The following CAMTA1 variants were observed in gnomAD, a reference collection of about 807,000 sequenced individuals.
CAMTA1 encodes calmodulin binding transcription activator 1, also known as calmodulin-binding transcription activator 1.
CAMTA1 carries 27 observed loss-of-function variants against 170.9 expected under a neutral mutation model. The observed-to-expected ratio is 0.16, with a 90% CI of 0.12 to 0.22. The LOEUF (loss-of-function observed/expected upper bound fraction) is 0.22, where lower values mean the gene tolerates loss of function less well. CAMTA1 is among the 10% of genes least tolerant of loss of function. The pLI is 1.00. For missense variants in CAMTA1, 1,619 were observed against 2,217.2 expected, an observed-to-expected ratio of 0.73 and a Z score of 5.42; for synonymous variants, 833 against 891.5, an observed-to-expected ratio of 0.93 and a Z score of 1.17.
At chr1:7,372,241 C>T in intron 5 of CAMTA1, among the ~76,000 whole-genome samples, 1 of 152,218 alleles carries the variant, frequency 6.6e-6, no homozygotes, top group Admixed American at 6.5e-5. Context: ...AGAAGCTGCT[C>T]TCCTTCGTGC....
At chr1:7,385,489 A>T (rs1260704882) in intron 5 of CAMTA1, among the ~76,000 whole-genome samples, 1 of 152,100 alleles carries the variant, frequency 6.6e-6, no homozygotes, top group South Asian at 2.1e-4. Flanking sequence ...TACATTTCCA[A>T]ATGTGCAAGT....
At chr1:7,034,691 T>C (rs1703327035) in intron 3 of CAMTA1, among the ~76,000 whole-genome samples, 1 of 152,186 alleles carries the variant, frequency 6.6e-6, no homozygotes, top group Non-Finnish European at 1.5e-5. Flanking sequence ...TCCTGTGCCA[T>C]GGTTTGGAAA....
At chr1:6,929,432 AGCTCACTGCTAGCTCCGCCTCCTGG>A (rs1359996309) in intron 3 of CAMTA1, among the ~76,000 whole-genome samples, 3 of 151,030 alleles carry the variant, frequency 2.0e-5, no homozygotes, top group Admixed American at 2.0e-4. Flanking sequence ...GCGTGATCTC[AGCTCACTGCTAGCTCCGCCTCCTGG>A]GTTCACGCCA....
At chr1:7,459,871 G>A (rs2093041943) in intron 5 of CAMTA1, among the ~76,000 whole-genome samples, 1 of 152,264 alleles carries the variant, frequency 6.6e-6, no homozygotes, top group Non-Finnish European at 1.5e-5. Context: ...ATACAGAGAG[G>A]AGAAATGGAG....
chr1:6,795,054 T>G (rs1234871993), intron 1 of CAMTA1, among the ~76,000 whole-genome samples: 1 of 152,166 alleles, frequency 6.6e-6, no homozygotes, highest in Admixed American at 6.5e-5. Flanking sequence ...CTAGCTGTAT[T>G]ATGCACTCAT....
rs1357892753 is a variant in CAMTA1 at position 7,769,681 on chromosome 1, T to C, written c.*3190T>C. The C allele has an allele frequency of 6.6e-6, 1 of 152,452 alleles. No individual in the cohort carries two copies. The highest frequency in any genetic ancestry group is 2.4e-5 in the African/African-American group (1 of 41,444). The allele number at this position is 152,452 out of a possible 1,614,324, so 9.4% of individuals were successfully genotyped here. On this transcript the variant is annotated 3_prime_UTR_variant, in exon 23 of 23. Transcript: ENST00000303635. The stretch of plus-strand genomic sequence containing the variant: ...TGCTTTATATTCTTTCTGCTGTAAA[T>C]TAAAAATGAAGAAAATTTCCCCATA...
In CAMTA1 at chr1:7,299,469, C is replaced by T. The variant is rs1674441102; in HGVS notation, c.438+49843C>T. Among the ~76,000 whole-genome samples the T allele has an allele frequency of 6.6e-6, 1 of 152,214 alleles. No individual in the cohort carries two copies. Among genetic ancestry groups the T allele is most frequent in the African/African-American group, 2.4e-5 (1 of 41,456 alleles). ...TAATCCAGGCTTTCTCTGGAATTCTCCCACTTGTTTATAGTCTGGGCAATT... is the reference window on the plus strand; with the variant it reads ...TAATCCAGGCTTTCTCTGGAATTCTTCCACTTGTTTATAGTCTGGGCAATT... On this transcript the variant is annotated intron_variant, in intron 5 of 22. Transcript: ENST00000303635. This position sits in a 1 kb window ranked among gnomAD's most constrained non-coding sequence, Gnocchi z 4.7.
rs1292636079 is a variant in CAMTA1, at chr1:7,113,764, T to C, written c.302+22393T>C. Among the ~76,000 whole-genome samples the C allele has an allele frequency of 6.6e-6, 1 of 152,218 alleles. No individual in the cohort carries two copies. Among genetic ancestry groups the C allele is most frequent in the East Asian group, 1.9e-4 (1 of 5,202 alleles). On this transcript the variant is annotated intron_variant, in intron 4 of 22. Transcript: ENST00000303635. The surrounding 1 kb of genome is among the most constrained non-coding windows in gnomAD (Gnocchi z 4.5). ...AGCAATATATTTTGTGCTTCAAAAA[T>C]GTAACAGATAGAAAGGAGTGAGTGC...
At position 7,188,424 on chromosome 1, in the gene CAMTA1, T is replaced by C. The variant is rs534160981; in HGVS notation, c.303-61067T>C. 2.6e-5 allele frequency among the ~76,000 whole-genome samples: 4 copies of C among 152,370 alleles called. No individual in the cohort carries two copies. The South Asian group carries it at 8.3e-4, about 32-fold the overall frequency. ...ACTACTATTATTCTGCAGAACTTTT[T>C]TGACTTTCCAAACTGAAACTCTGTA... On this transcript the variant is annotated intron_variant, in intron 4 of 22. Transcript: ENST00000303635.
chr1:7,629,450 C>T (rs1378565253), intron 6 of CAMTA1, among the ~76,000 whole-genome samples: 1 of 151,854 alleles, frequency 6.6e-6, no homozygotes, highest in African/African-American at 2.4e-5. Context: ...CAGCCCATGT[C>T]GCCTTGCAAT....
intron 4 of CAMTA1, among the ~76,000 whole-genome samples, chr1:7,230,291 C>T (rs1029403335): frequency 7.2e-5 from 11 of 151,976 alleles, no homozygotes; most frequent in Non-Finnish European, 1.3e-4. Flanking sequence ...GGAATGAGGC[C>T]GGGGTCTGGG....
chr1:6,963,283 C>G (rs759387786), intron 3 of CAMTA1, among the ~76,000 whole-genome samples: 22 of 66,392 alleles, frequency 3.3e-4, no homozygotes, highest in African/African-American at 1.0e-3. Flanking sequence ...CCCCCCCCCC[C>G]CCCCGCTTTC....
At chr1:7,729,067 G>A (rs928053532) in intron 11 of CAMTA1, among the ~76,000 whole-genome samples, 1 of 151,926 alleles carries the variant, frequency 6.6e-6, no homozygotes, top group Admixed American at 6.6e-5. Flanking sequence ...TATCTTTCTT[G>A]CATTGTTGTT....
rs1646227238 is a variant in CAMTA1, at chr1:7,146,939, ACACACAT to A, written c.302+55576_302+55582del. Reference sequence around the variant, plus strand: ...ACACACTCAAATATACACCATGTTCACACACATCACACATTCAAACATATGCCGTGCA... The same window carrying A: ...ACACACTCAAATATACACCATGTTCACACACATTCAAACATATGCCGTGCA... On this transcript the variant is annotated intron_variant, in intron 4 of 22. Coordinates refer to ENST00000303635, the MANE Select transcript of CAMTA1 (RefSeq NM_015215.4). This position sits in a 1 kb window ranked among gnomAD's most constrained non-coding sequence, Gnocchi z 4.3. 6.6e-6 allele frequency among the ~76,000 whole-genome samples: 1 copy of A among 151,846 alleles called. No individual in the cohort carries two copies. The highest frequency in any genetic ancestry group is 1.5e-5 in the Non-Finnish European group (1 of 67,968).
At chr1:7,749,687 TGG>T in intron 19 of CAMTA1, 1 of 412,342 alleles carries the variant, frequency 2.4e-6, no homozygotes, top group Admixed American at 3.1e-5. Flanking sequence ...TTTTCTTGGT[TGG>T]GAGTTTTATT....
intron 4 of CAMTA1, among the ~76,000 whole-genome samples, chr1:7,218,080 G>C (rs756795242): frequency 1.3e-5 from 2 of 152,088 alleles, no homozygotes; most frequent in Non-Finnish European, 2.9e-5. Flanking sequence ...GGTCTGCTTC[G>C]CTAGATATAA....
chr1:7,662,746 C>T (rs951613759), intron 8 of CAMTA1, among the ~76,000 whole-genome samples: 7 of 152,140 alleles, frequency 4.6e-5, no homozygotes, highest in Non-Finnish European at 7.4e-5. Context: ...TAGGCCTGGG[C>T]TTAGGTACCT....
intron 4 of CAMTA1, among the ~76,000 whole-genome samples, chr1:7,212,529 T>A (rs1454024553): frequency 1.3e-5 from 2 of 152,256 alleles, no homozygotes; most frequent in East Asian, 1.9e-4. Context: ...TGCATTTTTT[T>A]AAATTAAACT....
Position 7,641,916 on chromosome 1 carries a change from A to G in CAMTA1, c.664+1363A>G, listed in dbSNP as rs550509366. On this transcript the variant is annotated intron_variant, in intron 7 of 22. Coordinates refer to ENST00000303635, the MANE Select transcript of CAMTA1 (RefSeq NM_015215.4). The surrounding 1 kb of genome is among the most constrained non-coding windows in gnomAD (Gnocchi z 4.5). ...TCAATGCCCATTCAATGCACGCTCA[A>G]TGCCCAAGCTCCTGAGCACAGCCTG... 2.5e-4 allele frequency among the ~76,000 whole-genome samples: 38 copies of G among 152,152 alleles called. No homozygotes were observed. Among genetic ancestry groups the G allele is most frequent in the African/African-American group, 8.9e-4 (37 of 41,512 alleles).
Sources: allele counts gnomAD v4.1 joint callset (sites outside exome capture counted in the v4.1 genomes callset), GRCh38; gene constraint gnomAD v4.1.1; non-coding constraint Gnocchi (gnomAD v3.1); transcripts MANE v1.5; gene names NCBI Gene and HGNC (gene_info 2026-07-23, HGNC 2026-07-21).